PCDH15: variants seen among roughly 807,000 people sequenced by gnomAD.
PCDH15 encodes protocadherin related 15.
Under a neutral mutation model 178.5 loss-of-function variants are expected in PCDH15, and 129 were observed. The observed-to-expected ratio is 0.72, with a 90% CI of 0.63 to 0.84. PCDH15 has a LOEUF of 0.84. PCDH15 is among the 40% of genes least tolerant of loss of function. The pLI, the probability that PCDH15 is intolerant of heterozygous loss-of-function variation, is 0.00. For missense variants in PCDH15, 2,230 were observed against 2,099.9 expected, an observed-to-expected ratio of 1.06 and a Z score of -1.21; for synonymous variants, 800 against 732.0, an observed-to-expected ratio of 1.09 and a Z score of -1.50.
chr10:54,706,028 T>A (rs570108035), intron 1 of PCDH15, among the ~76,000 whole-genome samples: 1 of 152,264 alleles, frequency 6.6e-6, no homozygotes, highest in African/African-American at 2.4e-5. Flanking sequence ...CTCTTAACAG[T>A]GAGCCAGATA....
rs950234665 is a variant in PCDH15, at chr10:53,805,063, C to G, written c.*1516G>C. ...AAATCTGAAGTAAAAACATACTACT[C>G]TTACAAGTCGGCAAGTTTATGTCAG... On this transcript the variant is annotated 3_prime_UTR_variant, in exon 38 of 38. Coordinates refer to ENST00000644397, the MANE Select transcript of PCDH15 (RefSeq NM_001384140.1). The G allele has an allele frequency of 1.3e-5, 2 of 151,900 alleles. No homozygotes were observed. The highest frequency in any genetic ancestry group is 1.3e-4 in the Admixed American group (2 of 15,222). 9.4% of individuals were successfully genotyped at this position (151,900 alleles called of 1,614,324 possible). A position where few individuals can be genotyped will look rare whatever the true frequency, so the allele number is the denominator to read the frequency against.
intron 18 of PCDH15, among the ~76,000 whole-genome samples, chr10:54,037,587 T>G (rs1317408246): frequency 1.3e-5 from 2 of 151,930 alleles, no homozygotes; most frequent in Non-Finnish European, 2.9e-5. Flanking sequence ...TAATGGAGTA[T>G]AGTATAGTGT....
At chr10:54,120,093 G>C (rs1257105911) in intron 15 of PCDH15, among the ~76,000 whole-genome samples, 1 of 152,084 alleles carries the variant, frequency 6.6e-6, no homozygotes, top group Non-Finnish European at 1.5e-5. Context: ...ACAAGCCAGG[G>C]GAGCCTGGGG....
At chr10:55,024,462 C>T (rs200150105) in intron 2 of PCDH15, among the ~76,000 whole-genome samples, 63 of 100,446 alleles carry the variant, frequency 6.3e-4, no homozygotes, top group African/African-American at 1.7e-3. Context: ...TATACACACA[C>T]ATATATATAT....
chr10:54,873,540 A>C (rs1017987229), intron 3 of PCDH15, among the ~76,000 whole-genome samples: 4 of 124,482 alleles, frequency 3.2e-5, no homozygotes, highest in African/African-American at 8.9e-5. Flanking sequence ...GTATAGATAT[A>C]TGTATGTGTA....
chr10:55,580,265 T>C (rs957580002), intron 2 of PCDH15, among the ~76,000 whole-genome samples: 3 of 152,232 alleles, frequency 2.0e-5, no homozygotes, highest in Non-Finnish European at 2.9e-5. Flanking sequence ...AAGACCTATA[T>C]GTTTTTCTGT....
At chr10:55,346,451 T>C (rs1900479) in intron 2 of PCDH15, among the ~76,000 whole-genome samples, 82,294 of 151,822 alleles carry the variant, frequency 0.54, 22,791 homozygotes, top group African/African-American at 0.63. Context: ...TCTTATAATA[T>C]ACTCTGATTT....
intron 3 of PCDH15, among the ~76,000 whole-genome samples, chr10:54,839,669 C>A (rs1319132368): frequency 6.6e-6 from 1 of 152,036 alleles, no homozygotes; most frequent in Non-Finnish European, 1.5e-5. Context: ...TCAAAAGACT[C>A]TAGGCAAGAT....
At chr10:55,267,692 C>T (rs1012857647) in intron 1 of PCDH15, among the ~76,000 whole-genome samples, 8 of 152,090 alleles carry the variant, frequency 5.3e-5, no homozygotes, top group Admixed American at 5.2e-4. Flanking sequence ...CAATATGTTT[C>T]AAAAATGGTT....
chr10:55,114,982 T>A (rs1381406188), intron 2 of PCDH15, among the ~76,000 whole-genome samples: 1 of 152,222 alleles, frequency 6.6e-6, no homozygotes, highest in Non-Finnish European at 1.5e-5. Context: ...TTAATGAGCA[T>A]ATTGGCAATA....
chr10:55,570,510 A>G (rs1842387968), intron 2 of PCDH15, among the ~76,000 whole-genome samples: 1 of 151,640 alleles, frequency 6.6e-6, no homozygotes, highest in Admixed American at 6.6e-5. Flanking sequence ...TCAGGAACCA[A>G]TTTTTTTTCT....
chr10:54,560,785 A>C (rs2088033126), intron 2 of PCDH15, among the ~76,000 whole-genome samples: 1 of 152,108 alleles, frequency 6.6e-6, no homozygotes, highest in African/African-American at 2.4e-5. Flanking sequence ...TTTAAATGTT[A>C]GGATATAATG....
At chr10:55,058,824 T>A (rs71492637) in intron 2 of PCDH15, among the ~76,000 whole-genome samples, 9,353 of 152,230 alleles carry the variant, frequency 0.061, 405 homozygotes, top group African/African-American at 0.11. Context: ...ATTCTGCCTA[T>A]TGGATGGATT....
In PCDH15 at chr10:54,161,584, CCCCCACCCCCA is replaced by C. The variant is rs528859019; in HGVS notation, c.1591-8302_1591-8292del. ...TCTTTGAATAAACACAGAAATTGAC[CCCCCACCCCCA>C]CCCCACCATACCCTGTCTTGAAGCT... On this transcript the variant is annotated intron_variant, in intron 13 of 37. Transcript: ENST00000644397. 1.5e-3 allele frequency among the ~76,000 whole-genome samples: 144 copies of C among 93,738 alleles called. 6 individuals carry two copies. The South Asian group carries it at 0.068, about 44-fold the overall frequency. 61.5% of individuals were successfully genotyped at this position (93,738 alleles called of 152,430 possible).
chr10:54,877,729 G>A (rs534345937), intron 3 of PCDH15, among the ~76,000 whole-genome samples: 1 of 152,034 alleles, frequency 6.6e-6, no homozygotes, highest in Admixed American at 6.6e-5. Context: ...TTGCCCAATA[G>A]CCAAAACAGT....
intron 1 of PCDH15, among the ~76,000 whole-genome samples, chr10:54,764,329 A>T (rs972759607): frequency 2.0e-5 from 3 of 152,084 alleles, no homozygotes; most frequent in Non-Finnish European, 4.4e-5. Context: ...ATGTTTTTTC[A>T]TCTATTTCCC....
chr10:54,865,461 C>T (rs1336799617), intron 3 of PCDH15, among the ~76,000 whole-genome samples: 6 of 152,140 alleles, frequency 3.9e-5, no homozygotes, highest in Non-Finnish European at 8.8e-5. Context: ...CTACTAGCTT[C>T]CTTGCTCCTC....
At chr10:54,774,479 A>G (rs565193997) in intron 1 of PCDH15, among the ~76,000 whole-genome samples, 2 of 152,310 alleles carry the variant, frequency 1.3e-5, no homozygotes, top group Admixed American at 1.3e-4. Context: ...AAGTGTCACA[A>G]ATTTAAAATA....
chr10:54,431,079 A>G (rs1355767993), intron 3 of PCDH15, among the ~76,000 whole-genome samples: 1 of 152,172 alleles, frequency 6.6e-6, no homozygotes, highest in Non-Finnish European at 1.5e-5. Flanking sequence ...AAAAAAACTG[A>G]ACAACCAATA....
Sources: allele counts gnomAD v4.1 joint callset (sites outside exome capture counted in the v4.1 genomes callset), GRCh38; gene constraint gnomAD v4.1.1; transcripts MANE v1.5; gene names NCBI Gene and HGNC (gene_info 2026-07-23, HGNC 2026-07-21).